The following TRABD2B variants were observed in gnomAD, a reference collection of about 807,000 sequenced individuals.
TRABD2B encodes metalloprotease TIKI2.
Under a neutral mutation model 40.1 loss-of-function variants are expected in TRABD2B, and 14 were observed. The ratio of observed to expected loss-of-function variants is 0.35; its 90% CI spans 0.23 to 0.55. The LOEUF is 0.55. TRABD2B is among the 20% of genes least tolerant of loss of function. The probability of loss-of-function intolerance (pLI) is 0.90; values close to 1 mark genes in which losing one functional copy is unlikely to be tolerated. For missense variants in TRABD2B, 541 were observed against 648.6 expected, an observed-to-expected ratio of 0.83 and a Z score of 1.80; for synonymous variants, 263 against 277.0, an observed-to-expected ratio of 0.95 and a Z score of 0.50.
intron 2 of TRABD2B, among the ~76,000 whole-genome samples, chr1:47,808,171 A>T (rs541427200): frequency 6.6e-6 from 1 of 152,348 alleles, no homozygotes; most frequent in African/African-American, 2.4e-5. Context: ...TCAAAGAACA[A>T]GGAATTCTAC....
At chr1:47,773,626 T>C (rs1307582074) in intron 6 of TRABD2B, among the ~76,000 whole-genome samples, 1 of 152,248 alleles carries the variant, frequency 6.6e-6, no homozygotes, top group African/African-American at 2.4e-5. Flanking sequence ...ATGTAAGATG[T>C]GGCTTTGCTC....
chr1:47,967,458 A>T (rs534445126), intron 2 of TRABD2B, among the ~76,000 whole-genome samples: 2 of 152,166 alleles, frequency 1.3e-5, no homozygotes, highest in East Asian at 3.9e-4. Flanking sequence ...TTAACACCGC[A>T]CCACATCCAT....
intron 2 of TRABD2B, among the ~76,000 whole-genome samples, chr1:47,937,179 A>G (rs1645121478): frequency 6.6e-6 from 1 of 150,856 alleles, no homozygotes; most frequent in African/African-American, 2.4e-5. Flanking sequence ...CACCACCATC[A>G]TTATCATCAT....
At chr1:47,785,972 G>C (rs372787560) in intron 4 of TRABD2B, among the ~76,000 whole-genome samples, 2 of 152,160 alleles carry the variant, frequency 1.3e-5, no homozygotes, top group Non-Finnish European at 2.9e-5. Context: ...TCTGCCCCTC[G>C]ACCCCAGTGG....
Position 47,980,108 on chromosome 1 carries a change from C to T in TRABD2B, c.666+13926G>A, listed in dbSNP as rs184243113. 2.6e-5 allele frequency among the ~76,000 whole-genome samples: 4 copies of T among 152,280 alleles called. No individual in the cohort carries two copies. The East Asian group carries it at 7.7e-4, about 29-fold the overall frequency. On this transcript the variant is annotated intron_variant, in intron 2 of 6. Coordinates refer to ENST00000606738, the MANE Select transcript of TRABD2B (RefSeq NM_001194986.2). ...GCCTCCATCATGTGACCCCTATGTG[C>T]TTCTATAGTCAATTGCCTAGTCTCC... is the stretch of plus-strand genomic sequence containing the variant.
intron 2 of TRABD2B, among the ~76,000 whole-genome samples, chr1:47,836,163 C>G (rs536687209): frequency 6.6e-6 from 1 of 152,154 alleles, no homozygotes; most frequent in Non-Finnish European, 1.5e-5. Context: ...AGTCATAGAC[C>G]TGGGTTCACA....
At chr1:47,890,744 G>A (rs554007328) in intron 2 of TRABD2B, among the ~76,000 whole-genome samples, 43 of 152,250 alleles carry the variant, frequency 2.8e-4, no homozygotes, top group Non-Finnish European at 5.3e-4. Flanking sequence ...TCCCTTTAAC[G>A]TTCATTCAAC....
chr1:47,877,487 C>T (rs929970180), intron 2 of TRABD2B, among the ~76,000 whole-genome samples: 26 of 152,084 alleles, frequency 1.7e-4, no homozygotes, highest in Admixed American at 2.6e-4. Context: ...TGATGGTACC[C>T]GATATTGGCA....
chr1:47,867,171 G>A (rs1406506527), intron 2 of TRABD2B, among the ~76,000 whole-genome samples: 1 of 152,230 alleles, frequency 6.6e-6, no homozygotes, highest in Non-Finnish European at 1.5e-5. Context: ...AGAAAACATG[G>A]ACTTTAGCCA....
At chr1:47,889,394 CAG>C (rs1236448008) in intron 2 of TRABD2B, among the ~76,000 whole-genome samples, 2 of 152,202 alleles carry the variant, frequency 1.3e-5, no homozygotes, top group Non-Finnish European at 2.9e-5. Flanking sequence ...AAATAAAGGA[CAG>C]AGAGCCTGTG....
chr1:47,852,259 T>C (rs990380538), intron 2 of TRABD2B, among the ~76,000 whole-genome samples: 3 of 152,242 alleles, frequency 2.0e-5, no homozygotes, highest in Non-Finnish European at 4.4e-5. Flanking sequence ...CAGAGTCCCT[T>C]GGTAAGGCGT....
chr1:47,932,783 C>T (rs1645056521), intron 2 of TRABD2B, among the ~76,000 whole-genome samples: 1 of 152,212 alleles, frequency 6.6e-6, no homozygotes, highest in African/African-American at 2.4e-5. Flanking sequence ...GCGCAAGTCA[C>T]TTCTTCCTCA....
intron 2 of TRABD2B, among the ~76,000 whole-genome samples, chr1:47,824,910 C>T (rs755140555): frequency 6.6e-6 from 1 of 152,204 alleles, no homozygotes; most frequent in Non-Finnish European, 1.5e-5. Flanking sequence ...TGCATATTCA[C>T]ACGGCTGCCC....
intron 2 of TRABD2B, among the ~76,000 whole-genome samples, chr1:47,834,853 T>C (rs748827489): frequency 6.6e-6 from 1 of 152,142 alleles, no homozygotes. Flanking sequence ...TGTCAAATTT[T>C]CAACAAAAAT....
At chr1:47,988,162 G>C (rs1164508046) in intron 2 of TRABD2B, among the ~76,000 whole-genome samples, 1 of 152,152 alleles carries the variant, frequency 6.6e-6, no homozygotes, top group East Asian at 1.9e-4. Context: ...CATTCTTGGA[G>C]GACAGGAAAT....
intron 2 of TRABD2B, among the ~76,000 whole-genome samples, chr1:47,806,404 G>A (rs910912896): frequency 1.3e-5 from 2 of 152,306 alleles, no homozygotes; most frequent in East Asian, 3.9e-4. Context: ...GCCTGGTGCT[G>A]CTCAGACTCG....
chr1:47,923,314 A>G (rs1644925599), intron 2 of TRABD2B, among the ~76,000 whole-genome samples: 1 of 152,194 alleles, frequency 6.6e-6, no homozygotes, highest in African/African-American at 2.4e-5. Flanking sequence ...CTTGTTCAAG[A>G]TGAGTCTCAC....
intron 6 of TRABD2B, among the ~76,000 whole-genome samples, chr1:47,772,566 A>G (rs1229782529): frequency 1.3e-5 from 2 of 151,964 alleles, no homozygotes; most frequent in South Asian, 4.2e-4. Flanking sequence ...GAGCTGGGAG[A>G]GGTGATGGGG....
chr1:47,853,345 T>C (rs970740893), intron 2 of TRABD2B, among the ~76,000 whole-genome samples: 1 of 152,156 alleles, frequency 6.6e-6, no homozygotes, highest in African/African-American at 2.4e-5. Flanking sequence ...ACATATTGGG[T>C]CCCACCTCCG....
Sources: allele counts gnomAD v4.1 joint callset (sites outside exome capture counted in the v4.1 genomes callset), GRCh38; gene constraint gnomAD v4.1.1; transcripts MANE v1.5; gene names NCBI Gene and HGNC (gene_info 2026-07-23, HGNC 2026-07-21).